Variants in SRPK2 observed in about 807,000 individuals in gnomAD.
The protein encoded by SRPK2 is SRSF protein kinase 2, also known as SFRS protein kinase 2.
Under a neutral mutation model 90.8 loss-of-function variants are expected in SRPK2, and 21 were observed. That is an observed-to-expected ratio of 0.23 (90% CI 0.16 to 0.33). The LOEUF (loss-of-function observed/expected upper bound fraction) is 0.33, where lower values mean the gene tolerates loss of function less well. Among genes scored for constraint, SRPK2 ranks in the 10% least tolerant of loss-of-function variants. The pLI, the probability that SRPK2 is intolerant of heterozygous loss-of-function variation, is 1.00. For missense variants in SRPK2, 620 were observed against 869.0 expected, an observed-to-expected ratio of 0.71 and a Z score of 3.60; for synonymous variants, 288 against 311.1, an observed-to-expected ratio of 0.93 and a Z score of 0.78.
intron 7 of SRPK2, among the ~76,000 whole-genome samples, chr7:105,149,450 A>T (rs142693554): frequency 2.6e-5 from 4 of 152,044 alleles, no homozygotes; most frequent in African/African-American, 9.7e-5. Context: ...CTCCTACTAC[A>T]TTCCTTTTTG....
chr7:105,143,513 G>C (rs1804102876), intron 9 of SRPK2, 183 bp from the exon 10 acceptor site: 1 of 731,732 alleles, frequency 1.4e-6, no homozygotes, highest in African/African-American at 1.8e-5. Context: ...GGAAAGCAGT[G>C]CTGACTGATA....
At chr7:105,333,055 G>A (rs1175516891) in intron 2 of SRPK2, among the ~76,000 whole-genome samples, 3 of 152,084 alleles carry the variant, frequency 2.0e-5, no homozygotes, top group African/African-American at 7.2e-5. Flanking sequence ...TTAGCTGGGC[G>A]TGGTGGCACT....
At chr7:105,314,133 C>G (rs1812046259) in intron 2 of SRPK2, among the ~76,000 whole-genome samples, 1 of 151,938 alleles carries the variant, frequency 6.6e-6, no homozygotes, top group Non-Finnish European at 1.5e-5. Flanking sequence ...GAGCTAGAGA[C>G]CAGCCTGGCC....
intron 2 of SRPK2, chr7:105,268,861 G>C (rs780301798): frequency 6.9e-6 from 11 of 1,585,924 alleles, no homozygotes; most frequent in Middle Eastern, 1.7e-4. Context: ...TCAATCTTCT[G>C]CTTGATTTCT....
chr7:105,276,935 GGGT>G (rs1422299180), intron 2 of SRPK2, among the ~76,000 whole-genome samples: 1 of 152,020 alleles, frequency 6.6e-6, no homozygotes, highest in Non-Finnish European at 1.5e-5. Flanking sequence ...CACTATTCTA[GGGT>G]TTCAACACCT....
At chr7:105,377,456 G>A (rs1367393001) in intron 2 of SRPK2, among the ~76,000 whole-genome samples, 1 of 152,134 alleles carries the variant, frequency 6.6e-6, no homozygotes, top group East Asian at 1.9e-4. Context: ...ACTTTGGGGG[G>A]CGGAGGAGGG....
intron 2 of SRPK2, among the ~76,000 whole-genome samples, chr7:105,286,963 C>G (rs183899481): frequency 6.6e-6 from 1 of 152,024 alleles, no homozygotes; most frequent in East Asian, 1.9e-4. Flanking sequence ...TAATATACAG[C>G]ATTTGAAAAG....
chr7:105,395,268 T>A (rs1040643414), intron 1 of SRPK2, among the ~76,000 whole-genome samples: 4 of 151,550 alleles, frequency 2.6e-5, no homozygotes, highest in African/African-American at 9.7e-5. Context: ...AGCAAGAGGA[T>A]TGCTTGAGCC....
chr7:105,115,821 C>A (rs188605711), downstream of SRPK2, among the ~76,000 whole-genome samples: 1 of 152,062 alleles, frequency 6.6e-6, no homozygotes, highest in Non-Finnish European at 1.5e-5. Flanking sequence ...TGATAAAAAT[C>A]CTTTTACACT....
chr7:105,307,820 C>T (rs543003647), intron 2 of SRPK2, among the ~76,000 whole-genome samples: 1 of 152,186 alleles, frequency 6.6e-6, no homozygotes, highest in South Asian at 2.1e-4. Context: ...TTATAATCAT[C>T]ATAGTAACTT....
chr7:105,300,158 C>A (rs1810352027), intron 2 of SRPK2, among the ~76,000 whole-genome samples: 1 of 145,782 alleles, frequency 6.9e-6, no homozygotes, highest in Non-Finnish European at 1.5e-5. Flanking sequence ...GAGGGTGAGA[C>A]AGGAGAATTG....
At chr7:105,136,914 TA>T (rs1486862146) in intron 11 of SRPK2, among the ~76,000 whole-genome samples, 2 of 151,998 alleles carry the variant, frequency 1.3e-5, no homozygotes, top group Non-Finnish European at 2.9e-5. Flanking sequence ...AAACACAAGC[TA>T]AATTAGGAAA....
chr7:105,140,083 T>C (rs1803484894), intron 11 of SRPK2, among the ~76,000 whole-genome samples: 1 of 152,142 alleles, frequency 6.6e-6, no homozygotes, highest in African/African-American at 2.4e-5. Flanking sequence ...GGTATGTAAA[T>C]AGTTGTTATA....
At position 105,353,728 on chromosome 7, in the gene SRPK2, CA is replaced by C. The variant is rs544117772; in HGVS notation, c.71+34919del. On this transcript the variant is annotated intron_variant, in intron 2 of 15. Coordinates refer to ENST00000393651, the MANE Select transcript of SRPK2 (RefSeq NM_182692.3). ...GGAACAGAAAAACACTTTCCTTCTC[CA>C]GAAAATCCCACTCCTGAGCTGATAG... 5.2e-4 allele frequency among the ~76,000 whole-genome samples: 79 copies of C among 152,248 alleles called. 2 individuals carry two copies. The East Asian group carries it at 0.015, about 29-fold the overall frequency.
At chr7:105,358,687 C>CA (rs1395663225) in intron 2 of SRPK2, among the ~76,000 whole-genome samples, 1 of 151,044 alleles carries the variant, frequency 6.6e-6, no homozygotes, top group Non-Finnish European at 1.5e-5. Context: ...GACCCTGTCT[C>CA]AAAAAAGAAA....
At chr7:105,376,882 T>TACAC (rs34080086) in intron 2 of SRPK2, among the ~76,000 whole-genome samples, 13,166 of 120,810 alleles carry the variant, frequency 0.11, 732 homozygotes, top group African/African-American at 0.15. Flanking sequence ...TTTTCTCCTT[T>TACAC]ACACACACAC....
Position 105,395,566 on chromosome 7 carries a change from C to T in SRPK2, n.153+3590G>A, listed in dbSNP as rs149197989. On this transcript the variant is annotated intron_variant and non_coding_transcript_variant, in intron 1 of 3. Coordinates refer to the SRPK2 transcript ENST00000462282. ...ACAACATGGTGAAACCCCGTCTCTA[C>T]TAAAAATACAAAAATTAGCGGGGTA... 1.2e-4 allele frequency among the ~76,000 whole-genome samples: 19 copies of T among 152,140 alleles called. No homozygotes were observed. The East Asian group carries it at 2.5e-3, about 20-fold the overall frequency.
At chr7:105,349,524 A>AG (rs1400618226) in intron 2 of SRPK2, among the ~76,000 whole-genome samples, 1 of 145,946 alleles carries the variant, frequency 6.9e-6, no homozygotes, top group East Asian at 1.9e-4. Flanking sequence ...CTCCATCTCA[A>AG]AAAAAAAAAA....
At chr7:105,380,831 T>C (rs537094146) in intron 2 of SRPK2, among the ~76,000 whole-genome samples, 5 of 151,460 alleles carry the variant, frequency 3.3e-5, no homozygotes, top group African/African-American at 1.2e-4. Context: ...TGCTAAAAAA[T>C]TTTTAAATTA....
Sources: gnomAD v4.1 joint callset for allele counts (sites outside exome capture counted in the v4.1 genomes callset) on GRCh38, gnomAD v4.1.1 for gene constraint, MANE v1.5 for transcripts, NCBI Gene and HGNC (gene_info 2026-07-23, HGNC 2026-07-21) for gene names.